CYLC1: variants seen among roughly 807,000 people sequenced by gnomAD.
CYLC1 encodes cylicin-1.
In CYLC1, 2 loss-of-function variants were observed where a neutral mutation model predicts 31.6. That is an observed-to-expected ratio of 0.06 (90% CI 0.03 to 0.20). The LOEUF is 0.20. Among genes scored for constraint, CYLC1 ranks in the 10% least tolerant of loss-of-function variants. CYLC1 has a pLI of 1.00. For missense variants in CYLC1, 595 were observed against 424.1 expected, an observed-to-expected ratio of 1.40 and a Z score of -3.54; for synonymous variants, 185 against 153.0, an observed-to-expected ratio of 1.21 and a Z score of -1.54.
At chrX:83,863,758 G>C (rs943430619) in intron 1 of CYLC1, among the ~76,000 whole-genome samples, 1 of 111,846 alleles carries the variant, frequency 8.9e-6, no homozygotes, top group Non-Finnish European at 1.9e-5. Flanking sequence ...AGTCCTGTTA[G>C]AGCAGATGCT....
At chrX:83,886,487 T>C (rs1178106077) in intron 4 of CYLC1, 65 bp from the exon 5 acceptor site, 1 of 1,044,859 alleles carries the variant, frequency 9.6e-7, no homozygotes, top group Non-Finnish European at 1.3e-6. Context: ...CACATCATAG[T>C]TGTCTTGATT....
intron 1 of CYLC1, among the ~76,000 whole-genome samples, chrX:83,864,943 T>A (rs2031572007): frequency 9.0e-6 from 1 of 110,930 alleles, no homozygotes; most frequent in African/African-American, 3.3e-5. Flanking sequence ...AAAACTTAGA[T>A]CTTGGACCTC....
rs1461249244 is a variant in CYLC1 at position 83,873,967 on chromosome X, A to G, written c.1259A>G (p.Lys420Arg). 2 of 1,175,757 alleles carry G rather than the reference A, an allele frequency of 1.7e-6. No homozygotes were observed. Among genetic ancestry groups the G allele is most frequent in the African/African-American group, 3.6e-5 (2 of 55,169 alleles). ...GAACTGGAGTCAAAGGAGAGTCAGAAAGATGAAAAAAAGGATAAAAAAGAT... is the reference window on the plus strand; with the variant it reads ...GAACTGGAGTCAAAGGAGAGTCAGAGAGATGAAAAAAAGGATAAAAAAGAT... ...ESELESKESQKDEKKDKKDSK... is the reference protein window; with the variant it reads ...ESELESKESQRDEKKDKKDSK... The change falls in exon 4 of 5, where the codon AAA becomes AGA. Residue 420 changes from lysine to arginine, a missense_variant. Lys to Arg is a conservative substitution (Grantham distance 26, BLOSUM62 2). Coordinates refer to ENST00000329312, the MANE Select transcript of CYLC1 (RefSeq NM_021118.3).
chrX:83,882,368 C>A (rs2031923438), intron 4 of CYLC1, among the ~76,000 whole-genome samples: 1 of 110,028 alleles, frequency 9.1e-6, no homozygotes, highest in South Asian at 3.9e-4. Context: ...TTTTTCCTAC[C>A]CTTTTTCCCT....
Position 83,874,233 on chromosome X carries a change from A to G in CYLC1, c.1525A>G (p.Ile509Val). The part of the protein sequence containing the change: ...SKEKKGSKKD[I>V]KKDARKDTES... Reference sequence around the variant, plus strand: ...GGAAAAGAAAGGTTCAAAGAAAGATATCAAGAAGGATGCAAGAAAGGACAC... The same window carrying G: ...GGAAAAGAAAGGTTCAAAGAAAGATGTCAAGAAGGATGCAAGAAAGGACAC... Residue 509 changes from isoleucine (I) to valine (V), a missense_variant, in exon 4 of 5, where the codon ATC becomes GTC. By Grantham distance (29) the Ile-to-Val change is conservative. Transcript: ENST00000329312. The G allele has an allele frequency of 8.3e-7, 1 of 1,207,449 alleles. No individual in the cohort carries two copies. The highest frequency in any genetic ancestry group is 1.1e-6 in the Non-Finnish European group (1 of 892,600).
chrX:83,877,951 T>C (rs1303912161), intron 4 of CYLC1, among the ~76,000 whole-genome samples: 1 of 77,783 alleles, frequency 1.3e-5, no homozygotes, highest in Non-Finnish European at 2.3e-5. Context: ...TATTTGTATA[T>C]AAATATAAAT....
chrX:83,877,651 T>C (rs987242475), intron 4 of CYLC1, among the ~76,000 whole-genome samples: 8 of 106,710 alleles, frequency 7.5e-5, no homozygotes, highest in Non-Finnish European at 1.3e-4. Flanking sequence ...CATTATTTAG[T>C]TTTTCAGCTT....
chrX:83,873,832 G>A lies in CYLC1; in HGVS notation c.1124G>A (p.Gly375Glu). Residue 375 changes from glycine (G) to glutamate (E), a missense_variant, in exon 4 of 5, where the codon GGA (glycine) becomes GAA (glutamate). Physicochemically the swap from Gly to Glu is moderately conservative, Grantham distance 98. Coordinates refer to ENST00000329312, the MANE Select transcript of CYLC1 (RefSeq NM_021118.3). ...KYPESTDTES[G>E]DAKDARNDSR... ...CCAGAGTCTACTGATACTGAATCAG[G>A]AGATGCAAAGGATGCAAGAAATGAT... 8.5e-7 allele frequency: 1 copy of A among 1,181,126 alleles called. No individual in the cohort carries two copies. Among genetic ancestry groups the A allele is most frequent in the Non-Finnish European group, 1.1e-6 (1 of 871,066 alleles).
chrX:83,870,131 A>G (rs2031644457), intron 2 of CYLC1, among the ~76,000 whole-genome samples: 1 of 111,640 alleles, frequency 9.0e-6, no homozygotes, highest in South Asian at 3.6e-4. Context: ...CTGGTTTTGA[A>G]GAAAGATTTA....
chrX:83,864,655 TCC>T, intron 1 of CYLC1: 1 of 309,146 alleles, frequency 3.2e-6, no homozygotes. Flanking sequence ...TATACTAGAT[TCC>T]CAGACCCATT....
In CYLC1 at chrX:83,872,454, G is replaced by A. The variant is rs1315580452; in HGVS notation, c.178-432G>A. On this transcript the variant is annotated intron_variant, in intron 3 of 4. Transcript: ENST00000329312. ...AGGCTAGGGTTTTACAACTATTACAGGAACTGTCATAACAAACTTCAAGTG... is the reference window on the plus strand; with the variant it reads ...AGGCTAGGGTTTTACAACTATTACAAGAACTGTCATAACAAACTTCAAGTG... Among the ~76,000 whole-genome samples the A allele has an allele frequency of 1.0e-4, 11 of 110,081 alleles. No homozygotes were observed. In the Admixed American group the frequency reaches 1.1e-3, roughly 11 times the overall value.
Position 83,870,759 on chromosome X carries a change from C to T in CYLC1, c.59-693C>T, listed in dbSNP as rs1248874824. Among the ~76,000 whole-genome samples, 5 of 111,028 alleles carry T rather than the reference C, an allele frequency of 4.5e-5. No individual in the cohort carries two copies. In the Admixed American group the frequency reaches 4.8e-4, roughly 11 times the overall value. On this transcript the variant is annotated intron_variant, in intron 2 of 4. Coordinates refer to ENST00000329312, the MANE Select transcript of CYLC1 (RefSeq NM_021118.3). ...TAACCGTATCTCTGGTTAGTCTCTC[C>T]ATCTCCAAGAGAGCTATGTTGAGTT...
At chrX:83,877,362 C>G (rs2031781144) in intron 4 of CYLC1, among the ~76,000 whole-genome samples, 1 of 111,324 alleles carries the variant, frequency 9.0e-6, no homozygotes, top group Admixed American at 9.6e-5. Context: ...AATCTTCCAG[C>G]CTTGGCTTCC....
chrX:83,865,476 T>A (rs963474318), intron 1 of CYLC1, among the ~76,000 whole-genome samples: 9 of 112,097 alleles, frequency 8.0e-5, no homozygotes, highest in African/African-American at 2.6e-4. Flanking sequence ...GCATGTTACC[T>A]TGATTAGTTT....
intron 4 of CYLC1, among the ~76,000 whole-genome samples, chrX:83,885,768 C>T (rs2031973282): frequency 9.2e-6 from 1 of 109,035 alleles, no homozygotes; most frequent in Non-Finnish European, 1.9e-5. Flanking sequence ...ACAAACTATG[C>T]ATAAAGAGCA....
intron 4 of CYLC1, 54 bp downstream of exon 4, chrX:83,874,685 T>A: frequency 9.4e-7 from 1 of 1,064,840 alleles, no homozygotes; most frequent in Non-Finnish European, 1.2e-6. Context: ...AATGAAAGAC[T>A]TTTTAAAGTT....
At position 83,880,564 on chromosome X, in the gene CYLC1, G is replaced by A; in HGVS notation, c.1923+5933G>A. Among the ~76,000 whole-genome samples the A allele has an allele frequency of 1.8e-5, 2 of 111,159 alleles. 1 individual carries two copies. The highest frequency in any genetic ancestry group is 8.5e-3 in the Middle Eastern group (2 of 234). On this transcript the variant is annotated intron_variant, in intron 4 of 4. Transcript: ENST00000329312. Reference sequence around the variant, plus strand: ...ATCCTTGCTCTATCACTTACTAGCAGGATACTTTTCCCCAAAAGTATCTTA... The same window carrying A: ...ATCCTTGCTCTATCACTTACTAGCAAGATACTTTTCCCCAAAAGTATCTTA...
At chrX:83,874,861 G>T (rs971979230) in intron 4 of CYLC1, among the ~76,000 whole-genome samples, 29 of 110,394 alleles carry the variant, frequency 2.6e-4, no homozygotes, top group African/African-American at 8.2e-4. Flanking sequence ...AGAGAGAAAT[G>T]ACTTGTGATT....
Position 83,874,311 on chromosome X carries a change from T to A in CYLC1, c.1603T>A (p.Ser535Thr). ...DESSKTGFKT[S>T]TKIKGSDTES... ...ATCTTCCAAGACAGGCTTTAAAACA[T>A]CTACAAAAATCAAAGGTTCAGATAC... The change falls in exon 4 of 5, where the codon TCT becomes ACT. Residue 535 changes from serine (S) to threonine (T), a missense_variant. Coordinates refer to ENST00000329312, the MANE Select transcript of CYLC1 (RefSeq NM_021118.3). 8.3e-7 allele frequency: 1 copy of A among 1,209,181 alleles called. No homozygotes were observed. The highest frequency in any genetic ancestry group is 1.1e-6 in the Non-Finnish European group (1 of 894,452).
Sources: gnomAD v4.1 joint callset for allele counts (sites outside exome capture counted in the v4.1 genomes callset) on GRCh38, gnomAD v4.1.1 for gene constraint, MANE v1.5 for transcripts, NCBI Gene and HGNC (gene_info 2026-07-23, HGNC 2026-07-21) for gene names.